Variants in NEGR1 observed in about 807,000 individuals in gnomAD.
NEGR1 encodes IgLON family member 4.
In NEGR1, 10 loss-of-function variants were observed where a neutral mutation model predicts 40.9. The observed-to-expected ratio is 0.24, with a 90% CI of 0.15 to 0.42. The LOEUF (loss-of-function observed/expected upper bound fraction) is 0.42. NEGR1 is among the 10% of genes least tolerant of loss of function. The pLI, the probability that NEGR1 is intolerant of heterozygous loss-of-function variation, is 1.00. For synonymous variants in NEGR1, 185 were observed against 166.8 expected (o/e 1.11, Z -0.84); for missense variants, 352 against 438.9 (o/e 0.80, Z 1.77).
At chr1:72,096,809 C>T (rs550209582) in intron 1 of NEGR1, among the ~76,000 whole-genome samples, 6 of 152,044 alleles carry the variant, frequency 3.9e-5, no homozygotes, top group South Asian at 4.1e-4. Context: ...TGCTGGCGCC[C>T]GCCACAACGC....
intron 1 of NEGR1, among the ~76,000 whole-genome samples, chr1:72,097,249 G>C (rs1648737998): frequency 6.6e-6 from 1 of 152,168 alleles, no homozygotes; most frequent in Non-Finnish European, 1.5e-5. Flanking sequence ...CTGTGTCTCA[G>C]TAAGGCATGG....
intron 3 of NEGR1, 62 bp downstream of exon 3, chr1:71,776,110 G>T (rs1656497736): frequency 9.2e-6 from 12 of 1,305,952 alleles, no homozygotes; most frequent in Middle Eastern, 2.0e-4. Context: ...AACAAGTGAG[G>T]TTAGTGAGGT....
intron 3 of NEGR1, among the ~76,000 whole-genome samples, chr1:71,718,661 T>C (rs1045569167): frequency 6.6e-6 from 1 of 152,204 alleles, no homozygotes; most frequent in Non-Finnish European, 1.5e-5. Flanking sequence ...ATGTTTTTAT[T>C]ATTTATCCTC....
At chr1:72,110,221 T>TTAAA (rs1216270406) in intron 1 of NEGR1, among the ~76,000 whole-genome samples, 9 of 106,962 alleles carry the variant, frequency 8.4e-5, no homozygotes, top group African/African-American at 2.3e-4. Flanking sequence ...TAGAGTATAA[T>TTAAA]AAAAAAAAAA....
chr1:71,851,437 A>G (rs1374619757), intron 2 of NEGR1, among the ~76,000 whole-genome samples: 3 of 152,176 alleles, frequency 2.0e-5, no homozygotes, highest in Non-Finnish European at 4.4e-5. Flanking sequence ...TTAATTTTTA[A>G]AATTATTTTT....
At chr1:72,167,637 T>G (rs1395764721) in intron 1 of NEGR1, among the ~76,000 whole-genome samples, 1 of 152,094 alleles carries the variant, frequency 6.6e-6, no homozygotes, top group Non-Finnish European at 1.5e-5. Flanking sequence ...GTCCTCTGAT[T>G]TGAGATTTCT....
intron 1 of NEGR1, among the ~76,000 whole-genome samples, chr1:72,203,794 T>A (rs951796944): frequency 1.3e-5 from 2 of 152,104 alleles, no homozygotes; most frequent in Non-Finnish European, 2.9e-5. Context: ...CTAACCTTTT[T>A]CAATCAGCAG....
chr1:72,248,001 G>C (rs1023075903), intron 1 of NEGR1, among the ~76,000 whole-genome samples: 6 of 152,064 alleles, frequency 3.9e-5, no homozygotes, highest in East Asian at 3.9e-4. Context: ...AGGAGCGAGA[G>C]TGTGCGTCGG....
intron 1 of NEGR1, among the ~76,000 whole-genome samples, chr1:72,163,689 A>AAT (rs1027671390): frequency 2.0e-5 from 3 of 151,858 alleles, no homozygotes; most frequent in Non-Finnish European, 2.9e-5. Context: ...CAAGGCAAAT[A>AAT]ATATATGCCC....
chr1:71,877,153 CA>C lies in NEGR1; in HGVS notation c.409+57925del, dbSNP rs71586965. Among the ~76,000 whole-genome samples, 450 of 142,610 alleles carry C rather than the reference CA, an allele frequency of 3.2e-3. 3 individuals are homozygous for C. The highest frequency in any genetic ancestry group is 0.011 in the African/African-American group (428 of 38,540). The allele number at this position is 142,610 out of a possible 152,430, so 93.6% of individuals were successfully genotyped here. Reference sequence around the variant, plus strand: ...GTAGCACGACAAAAACAAAACAAAACAAAAAAAAAACAAAAAAAGGGTCTGA... The same window carrying C: ...GTAGCACGACAAAAACAAAACAAAACAAAAAAAAACAAAAAAAGGGTCTGA... On this transcript the variant is annotated intron_variant, in intron 2 of 6. Coordinates refer to ENST00000357731, the MANE Select transcript of NEGR1 (RefSeq NM_173808.3).
chr1:72,075,930 A>G (rs1288640341), intron 1 of NEGR1, among the ~76,000 whole-genome samples: 1 of 152,090 alleles, frequency 6.6e-6, no homozygotes, highest in African/African-American at 2.4e-5. Context: ...GTTGTTGTTG[A>G]TTTTTGCAAA....
At chr1:72,139,448 G>A (rs546811880) in intron 1 of NEGR1, among the ~76,000 whole-genome samples, 80 of 151,998 alleles carry the variant, frequency 5.3e-4, no homozygotes, top group Non-Finnish European at 9.6e-4. Context: ...CAAGAAATAT[G>A]TAGTAATATT....
At chr1:71,767,411 A>T (rs1169692574) in intron 3 of NEGR1, among the ~76,000 whole-genome samples, 1 of 152,174 alleles carries the variant, frequency 6.6e-6, no homozygotes, top group African/African-American at 2.4e-5. Context: ...GGAACTTTTA[A>T]CTTGAGAATG....
At chr1:71,806,809 T>C (rs1190719142) in intron 2 of NEGR1, among the ~76,000 whole-genome samples, 1 of 152,112 alleles carries the variant, frequency 6.6e-6, no homozygotes, top group African/African-American at 2.4e-5. Context: ...AATTGTCTTT[T>C]GGAACTAATA....
At chr1:72,177,451 T>A (rs149776712) in intron 1 of NEGR1, among the ~76,000 whole-genome samples, 2 of 152,102 alleles carry the variant, frequency 1.3e-5, no homozygotes, top group Non-Finnish European at 2.9e-5. Flanking sequence ...ATTTTTCTAA[T>A]AATTTATTAT....
At chr1:72,124,807 G>C (rs1649947208) in intron 1 of NEGR1, among the ~76,000 whole-genome samples, 1 of 151,856 alleles carries the variant, frequency 6.6e-6, no homozygotes, top group South Asian at 2.1e-4. Flanking sequence ...ATTAATTTCA[G>C]GCCAGCATTT....
chr1:71,963,375 C>A (rs1031388631), intron 1 of NEGR1, among the ~76,000 whole-genome samples: 2 of 152,132 alleles, frequency 1.3e-5, no homozygotes, highest in African/African-American at 4.8e-5. Flanking sequence ...ATACAGAGAA[C>A]TGTTACTATT....
At chr1:71,626,086 C>T (rs1461294196) in intron 4 of NEGR1, among the ~76,000 whole-genome samples, 2 of 151,990 alleles carry the variant, frequency 1.3e-5, no homozygotes, top group African/African-American at 4.8e-5. Context: ...CCACCATCCC[C>T]TCCAACCCCT....
intron 1 of NEGR1, among the ~76,000 whole-genome samples, chr1:71,990,580 T>C (rs1347604768): frequency 6.6e-6 from 1 of 152,152 alleles, no homozygotes; most frequent in Non-Finnish European, 1.5e-5. Flanking sequence ...TTGATTTACA[T>C]AAGTTTGGAT....
Sources: gnomAD v4.1 joint callset for allele counts (sites outside exome capture counted in the v4.1 genomes callset) on GRCh38, gnomAD v4.1.1 for gene constraint, MANE v1.5 for transcripts, NCBI Gene and HGNC (gene_info 2026-07-23, HGNC 2026-07-21) for gene names.